The following PAPPA2 variants were observed in gnomAD, a reference collection of about 807,000 sequenced individuals.
The protein encoded by PAPPA2 is pappalysin-2.
In PAPPA2, 86 loss-of-function variants were observed where a neutral mutation model predicts 176.4. The ratio of observed to expected loss-of-function variants is 0.49; its 90% CI spans 0.41 to 0.58. The LOEUF (loss-of-function observed/expected upper bound fraction) is 0.58, where lower values mean the gene tolerates loss of function less well. Among genes scored for constraint, PAPPA2 ranks in the 20% least tolerant of loss-of-function variants. PAPPA2 has a pLI of 0.00. For synonymous variants in PAPPA2, 809 were observed against 852.2 expected, an observed-to-expected ratio of 0.95 and a Z score of 0.88; for missense variants, 2,073 against 2,256.9, an observed-to-expected ratio of 0.92 and a Z score of 1.65.
chr1:176,709,580 A>T (rs1571209482), intron 10 of PAPPA2, among the ~76,000 whole-genome samples: 1 of 152,310 alleles, frequency 6.6e-6, no homozygotes, highest in East Asian at 1.9e-4. Context: ...AATATGTAAT[A>T]CCTGATAGGA....
chr1:176,587,938 T>A (rs1214603744), intron 2 of PAPPA2, among the ~76,000 whole-genome samples: 1 of 152,262 alleles, frequency 6.6e-6, no homozygotes, highest in African/African-American at 2.4e-5. Context: ...TTTTTTCTAA[T>A]TCTGTGAAGA....
chr1:176,677,741 G>C (rs896931340), intron 4 of PAPPA2, among the ~76,000 whole-genome samples: 8 of 151,864 alleles, frequency 5.3e-5, no homozygotes, highest in African/African-American at 1.9e-4. Context: ...AGAAAAACTT[G>C]GATACCATAC....
intron 12 of PAPPA2, among the ~76,000 whole-genome samples, chr1:176,736,003 T>C (rs1222127410): frequency 6.6e-6 from 1 of 152,184 alleles, no homozygotes; most frequent in Non-Finnish European, 1.5e-5. Flanking sequence ...GTAAACTCTT[T>C]GTTAAAACGA....
At chr1:176,469,986 G>C (rs745739996) in intron 1 of PAPPA2, among the ~76,000 whole-genome samples, 5 of 152,128 alleles carry the variant, frequency 3.3e-5, no homozygotes, top group Non-Finnish European at 5.9e-5. Flanking sequence ...CCAACAACTT[G>C]GTAGGGATTT....
chr1:176,778,016 C>T (rs1311785261), intron 17 of PAPPA2, among the ~76,000 whole-genome samples: 1 of 150,562 alleles, frequency 6.6e-6, no homozygotes, highest in African/African-American at 2.5e-5. Flanking sequence ...TTGTTGGTTC[C>T]TATGCTAAAA....
chr1:176,578,907 C>T (rs1293480906), intron 2 of PAPPA2, among the ~76,000 whole-genome samples: 1 of 152,124 alleles, frequency 6.6e-6, no homozygotes, highest in Non-Finnish European at 1.5e-5. Context: ...TTGTCGCTAC[C>T]ATAAAATAAG....
rs573753920 is a variant in PAPPA2 at position 176,595,197 on chromosome 1, C to T, written c.1593C>T (p.Asn531=). 4.5e-5 allele frequency: 72 copies of T among 1,614,192 alleles called. No individual in the cohort carries two copies. The highest frequency in any genetic ancestry group is 3.3e-4 in the Admixed American group (20 of 60,028). Residue 531 remains asparagine (N), a synonymous_variant, in exon 3 of 23, where the codon AAC becomes AAT. Coordinates refer to ENST00000367662, the MANE Select transcript of PAPPA2 (RefSeq NM_020318.3). ...GEKVIRYQVV[N]ICDDEGLNPI... is the part of the protein sequence containing the mutation. ...AGGTGATACGCTACCAGGTGGTGAA[C>T]ATCTGTGATGATGAGGGCCTAAACC... is the stretch of plus-strand genomic sequence containing the variant.
intron 11 of PAPPA2, 103 bp downstream of exon 11, chr1:176,710,279 G>A: frequency 9.3e-7 from 1 of 1,076,106 alleles, no homozygotes; most frequent in South Asian, 1.6e-5. Context: ...AAAAGAAGAA[G>A]TAAGGAGTTA....
At chr1:176,702,445 G>C (rs966805739) in intron 8 of PAPPA2, among the ~76,000 whole-genome samples, 162 bp from the exon 9 acceptor site, 7 of 152,194 alleles carry the variant, frequency 4.6e-5, no homozygotes, top group Non-Finnish European at 1.0e-4. Flanking sequence ...TCTGGTGCTC[G>C]GGAAGACTGT....
At chr1:176,823,576 G>A (rs1666745237) in intron 21 of PAPPA2, among the ~76,000 whole-genome samples, 1 of 152,094 alleles carries the variant, frequency 6.6e-6, no homozygotes, top group African/African-American at 2.4e-5. Flanking sequence ...CATTAAGTCT[G>A]GTATAACTCT....
chr1:176,797,402 GGGAGGGCAAGGTA>G (rs1199516669), intron 20 of PAPPA2, among the ~76,000 whole-genome samples: 3 of 152,168 alleles, frequency 2.0e-5, no homozygotes, highest in Non-Finnish European at 2.9e-5. Context: ...CCAACACTCT[GGGAGGGCAAGGTA>G]GGAGAATTGC....
intron 2 of PAPPA2, among the ~76,000 whole-genome samples, chr1:176,568,956 T>C (rs1573054628): frequency 6.6e-6 from 1 of 152,200 alleles, no homozygotes; most frequent in East Asian, 1.9e-4. Flanking sequence ...ACCCTCAGGA[T>C]AAAGTTCAGC....
chr1:176,536,147 C>T (rs955200636), intron 1 of PAPPA2, among the ~76,000 whole-genome samples: 12 of 152,184 alleles, frequency 7.9e-5, no homozygotes, highest in African/African-American at 2.7e-4. Context: ...AACAACCTGT[C>T]AGGAAAACAA....
rs780644068 is a variant in PAPPA2 at position 176,595,542 on chromosome 1, C to A, written c.1938C>A (p.Asp646Glu). 2 of 1,614,100 alleles carry A rather than the reference C, an allele frequency of 1.2e-6. No individual in the cohort carries two copies. The highest frequency in any genetic ancestry group is 8.5e-7 in the Non-Finnish European group (1 of 1,180,010). Reference protein sequence around the residue: ...LNDFDDGDCCDPQVADVRKTC... With the variant: ...LNDFDDGDCCEPQVADVRKTC... ...ACTTTGACGACGGAGACTGCTGCGA[C>A]CCCCAGGTGGCTGATGTGCGCAAGA... The change falls in exon 3 of 23, where the codon GAC becomes GAA. Residue 646 changes from aspartate to glutamate, a missense_variant. This residue lies in a region of PAPPA2 where 1,196 missense variants were observed against 1,330.4 expected (regional missense o/e 0.90). Coordinates refer to ENST00000367662, the MANE Select transcript of PAPPA2 (RefSeq NM_020318.3).
chr1:176,545,147 C>A (rs530969138), intron 1 of PAPPA2, among the ~76,000 whole-genome samples: 7 of 152,214 alleles, frequency 4.6e-5, no homozygotes, highest in Admixed American at 3.9e-4. Flanking sequence ...AAATTCCAGC[C>A]CTCTAACCAT....
chr1:176,791,646 C>T lies in PAPPA2; in HGVS notation c.5020+164C>T, dbSNP rs1047859698. On this transcript the variant is annotated intron_variant, in intron 19 of 22. Transcript: ENST00000367662. ...TCAGCTCACTGCAACCTCCATTTCCCGGGTTCAAGCAATTCTCCTGCCTCA... is the reference window on the plus strand; with the variant it reads ...TCAGCTCACTGCAACCTCCATTTCCTGGGTTCAAGCAATTCTCCTGCCTCA... Among the ~76,000 whole-genome samples, 8 of 152,108 alleles carry T rather than the reference C, an allele frequency of 5.3e-5. No individual in the cohort carries two copies. In the East Asian group the frequency reaches 9.6e-4, roughly 18 times the overall value.
At chr1:176,747,810 T>C (rs1467066144) in intron 14 of PAPPA2, among the ~76,000 whole-genome samples, 7 of 152,222 alleles carry the variant, frequency 4.6e-5, no homozygotes, top group Admixed American at 4.6e-4. Context: ...TTTGAAGGCT[T>C]GACTGGGGAA....
chr1:176,619,200 T>C (rs1479038577), intron 3 of PAPPA2, among the ~76,000 whole-genome samples: 2 of 152,218 alleles, frequency 1.3e-5, no homozygotes, highest in African/African-American at 4.8e-5. Context: ...AATATCCCAT[T>C]AGTACCATCT....
chr1:176,525,989 T>C (rs115853428), intron 1 of PAPPA2, among the ~76,000 whole-genome samples: 2,667 of 152,316 alleles, frequency 0.018, 39 homozygotes, highest in Middle Eastern at 0.041. Flanking sequence ...TCCATGCTTA[T>C]GGAGGTTATA....
Sources: allele counts gnomAD v4.1 joint callset (sites outside exome capture counted in the v4.1 genomes callset), GRCh38; gene constraint gnomAD v4.1.1; regional missense constraint gnomAD v4.1.1; transcripts MANE v1.5; gene names NCBI Gene and HGNC (gene_info 2026-07-23, HGNC 2026-07-21).